SLC9A9: variants seen among roughly 807,000 people sequenced by gnomAD.
SLC9A9 encodes the protein sodium/hydrogen exchanger 9.
A neutral mutation model predicts 77.8 loss-of-function variants in SLC9A9; 62 were observed. That is an observed-to-expected ratio of 0.80 (90% CI 0.65 to 0.98). The LOEUF (loss-of-function observed/expected upper bound fraction) is 0.98, where lower values mean the gene tolerates loss of function less well. Among genes scored for constraint, SLC9A9 ranks in the 50% least tolerant of loss-of-function variants. The pLI is 0.00. For missense variants in SLC9A9, 775 were observed against 774.9 expected (o/e 1.00, Z 0.00); for synonymous variants, 320 against 283.5 (o/e 1.13, Z -1.29).
chr3:143,506,515 GA>G (rs536249621), intron 9 of SLC9A9, among the ~76,000 whole-genome samples: 40 of 152,308 alleles, frequency 2.6e-4, no homozygotes, highest in African/African-American at 7.7e-4. Flanking sequence ...TAACAGCAGA[GA>G]GGGGATTTTT....
chr3:143,356,824 A>G (rs1038295335), intron 14 of SLC9A9, among the ~76,000 whole-genome samples: 1 of 152,160 alleles, frequency 6.6e-6, no homozygotes, highest in Non-Finnish European at 1.5e-5. Context: ...CTCTTTCAGG[A>G]AGCTTTAATT....
At chr3:143,728,615 G>C (rs1934722719) in intron 4 of SLC9A9, among the ~76,000 whole-genome samples, 1 of 152,150 alleles carries the variant, frequency 6.6e-6, no homozygotes, top group South Asian at 2.1e-4. Context: ...TGTTTTTTCA[G>C]AAGGTTGCTG....
At chr3:143,684,477 T>C (rs1185768300) in intron 5 of SLC9A9, among the ~76,000 whole-genome samples, 1 of 152,110 alleles carries the variant, frequency 6.6e-6, no homozygotes, top group Non-Finnish European at 1.5e-5. Flanking sequence ...ATATTGAGTC[T>C]ACCCAATTTA....
intron 6 of SLC9A9, among the ~76,000 whole-genome samples, chr3:143,586,440 G>C (rs892327291): frequency 6.6e-6 from 1 of 152,030 alleles, no homozygotes; most frequent in African/African-American, 2.4e-5. Context: ...CAACATAAAG[G>C]GGCAACGAAA....
intron 14 of SLC9A9, among the ~76,000 whole-genome samples, chr3:143,275,638 T>G (rs1938022973): frequency 6.6e-6 from 1 of 152,216 alleles, no homozygotes; most frequent in South Asian, 2.1e-4. Flanking sequence ...AGACTTGATT[T>G]ATTAAATGAC....
chr3:143,280,653 C>T (rs1242394136), intron 14 of SLC9A9, among the ~76,000 whole-genome samples: 10 of 150,268 alleles, frequency 6.7e-5, no homozygotes, highest in African/African-American at 9.8e-5. Context: ...CAAGTTCAAG[C>T]GATTCTCCTG....
intron 4 of SLC9A9, among the ~76,000 whole-genome samples, chr3:143,780,648 G>A (rs896762635): frequency 1.1e-4 from 17 of 152,318 alleles, no homozygotes; most frequent in Admixed American, 7.2e-4. Flanking sequence ...TGGAAAGGGA[G>A]CCACCATATG....
chr3:143,776,528 T>C (rs773796342), intron 4 of SLC9A9, among the ~76,000 whole-genome samples: 3 of 152,234 alleles, frequency 2.0e-5, no homozygotes, highest in Non-Finnish European at 4.4e-5. Context: ...ATTTGTGATA[T>C]TCTTTCCTCC....
At chr3:143,410,086 C>G (rs191302665) in intron 12 of SLC9A9, among the ~76,000 whole-genome samples, 5 of 152,274 alleles carry the variant, frequency 3.3e-5, no homozygotes, top group Admixed American at 1.3e-4. Flanking sequence ...TCTTTCTACC[C>G]CTTAACTCCC....
At chr3:143,277,835 CT>C (rs1194482979) in intron 14 of SLC9A9, among the ~76,000 whole-genome samples, 3 of 152,184 alleles carry the variant, frequency 2.0e-5, no homozygotes, top group Non-Finnish European at 4.4e-5. Context: ...GAAATGAACT[CT>C]GAGAAGCAAC....
At chr3:143,709,894 A>G in intron 4 of SLC9A9, among the ~76,000 whole-genome samples, 1 of 152,140 alleles carries the variant, frequency 6.6e-6, no homozygotes, top group Middle Eastern at 3.2e-3. Flanking sequence ...CTTGTTTTTT[A>G]AGGACAGAGA....
At position 143,541,275 on chromosome 3, in the gene SLC9A9, A is replaced by C. The variant is rs1274310997; in HGVS notation, c.1089+11087T>G. ...GGGCAAAGTAAGCTTTCACATCACG[A>C]GGACACCCAAGCAGCCCGATGGAGG... On this transcript the variant is annotated intron_variant, in intron 9 of 15. Transcript: ENST00000316549. Among the ~76,000 whole-genome samples the C allele has an allele frequency of 3.3e-5, 5 of 152,160 alleles. No individual in the cohort carries two copies. In the East Asian group the frequency reaches 9.6e-4, roughly 29 times the overall value.
chr3:143,670,435 C>A (rs1265396311), intron 5 of SLC9A9, among the ~76,000 whole-genome samples: 2 of 152,168 alleles, frequency 1.3e-5, no homozygotes, highest in Admixed American at 6.6e-5. Flanking sequence ...GAGGGGAGGG[C>A]TGTCATAATT....
chr3:143,402,447 G>GTTTTTTTTT (rs11292780), intron 12 of SLC9A9, among the ~76,000 whole-genome samples: 2 of 110,396 alleles, frequency 1.8e-5, no homozygotes, highest in Non-Finnish European at 3.8e-5. Flanking sequence ...GCACCTTTGT[G>GTTTTTTTTT]TTTTTTTTTT....
intron 1 of SLC9A9, among the ~76,000 whole-genome samples, chr3:143,842,878 G>C (rs1478923113): frequency 2.0e-5 from 3 of 152,178 alleles, no homozygotes; most frequent in African/African-American, 7.2e-5. Context: ...GGTTTGGGCT[G>C]GAGTGGCTGA....
intron 4 of SLC9A9, among the ~76,000 whole-genome samples, chr3:143,697,860 G>A (rs557958573): frequency 1.2e-4 from 19 of 152,200 alleles, no homozygotes; most frequent in East Asian, 1.2e-3. Flanking sequence ...GTTCAAGCTC[G>A]TATGGTAATT....
intron 7 of SLC9A9, among the ~76,000 whole-genome samples, chr3:143,578,004 T>A (rs1219414808): frequency 1.3e-5 from 2 of 152,108 alleles, no homozygotes; most frequent in African/African-American, 4.8e-5. Context: ...CATCCCAACT[T>A]CCTAACAACA....
At chr3:143,787,051 C>T (rs1465048605) in intron 4 of SLC9A9, among the ~76,000 whole-genome samples, 2 of 152,024 alleles carry the variant, frequency 1.3e-5, no homozygotes, top group Admixed American at 6.6e-5. Flanking sequence ...GGAATACTGG[C>T]GACATCACTC....
intron 6 of SLC9A9, among the ~76,000 whole-genome samples, chr3:143,640,182 C>T (rs556451199): frequency 1.1e-3 from 161 of 151,986 alleles, no homozygotes; most frequent in African/African-American, 3.4e-3. Context: ...CCACCACGCC[C>T]GGCTAATTTT....
Sources: gnomAD v4.1 joint callset for allele counts (sites outside exome capture counted in the v4.1 genomes callset) on GRCh38, gnomAD v4.1.1 for gene constraint, MANE v1.5 for transcripts, NCBI Gene and HGNC (gene_info 2026-07-23, HGNC 2026-07-21) for gene names.